SLIT2: variants seen among roughly 807,000 people sequenced by gnomAD.
SLIT2 encodes slit homolog 2 protein.
Under a neutral mutation model 185.7 loss-of-function variants are expected in SLIT2, and 41 were observed. The ratio of observed to expected loss-of-function variants is 0.22; its 90% CI spans 0.17 to 0.29. The LOEUF is 0.29. Among genes scored for constraint, SLIT2 ranks in the 10% least tolerant of loss-of-function variants. The pLI, the probability that SLIT2 is intolerant of heterozygous loss-of-function variation, is 1.00. For missense variants in SLIT2, 1,571 were observed against 1,909.0 expected (o/e 0.82, Z 3.30); for synonymous variants, 693 against 680.2 (o/e 1.02, Z -0.29).
intron 3 of SLIT2, among the ~76,000 whole-genome samples, chr4:20,259,495 A>C (rs534164644): frequency 6.6e-4 from 100 of 151,782 alleles, no homozygotes; most frequent in African/African-American, 2.3e-3. Context: ...CTTTTTATGC[A>C]GTCTCTATTT....
At chr4:20,587,606 C>G (rs977585953) in intron 29 of SLIT2, among the ~76,000 whole-genome samples, 1 of 152,090 alleles carries the variant, frequency 6.6e-6, no homozygotes, top group African/African-American at 2.4e-5. Context: ...GGAGTAATTC[C>G]TTTTAGACAA....
At chr4:20,572,255 T>A (rs1725669122) in intron 29 of SLIT2, among the ~76,000 whole-genome samples, 1 of 152,154 alleles carries the variant, frequency 6.6e-6, no homozygotes, top group African/African-American at 2.4e-5. Flanking sequence ...CATCTGTGCT[T>A]CCAGTTGTGT....
intron 26 of SLIT2, among the ~76,000 whole-genome samples, chr4:20,565,162 C>A (rs1724994009): frequency 6.6e-6 from 1 of 151,936 alleles, no homozygotes; most frequent in Non-Finnish European, 1.5e-5. Context: ...AACTGCCAAC[C>A]CCAAACTCCT....
chr4:20,546,094 A>G lies in SLIT2; in HGVS notation c.2340A>G (p.Thr780=), dbSNP rs762506741. The G allele has an allele frequency of 5.7e-5, 90 of 1,572,122 alleles. No homozygotes were observed. Among genetic ancestry groups the G allele is most frequent in the Non-Finnish European group, 7.2e-5 (83 of 1,148,356 alleles). The change falls in exon 22 of 37, where the codon ACA becomes ACG. Residue 780 remains threonine (T), a synonymous_variant. Coordinates refer to ENST00000504154, the MANE Select transcript of SLIT2 (RefSeq NM_004787.4). ...PKELSNYKHL[T]LIDLSNNRIS... ...AACTCTCCAACTACAAACATTTAAC[A>G]CTTATGTGAGTAACATATTGCACTT... is the stretch of plus-strand genomic sequence containing the variant.
At chr4:20,453,064 G>T (rs759922626) in intron 4 of SLIT2, among the ~76,000 whole-genome samples, 15 of 152,260 alleles carry the variant, frequency 9.9e-5, no homozygotes, top group Non-Finnish European at 1.9e-4. Flanking sequence ...CATAATCAAG[G>T]GTGGTTTGTG....
intron 4 of SLIT2, among the ~76,000 whole-genome samples, chr4:20,287,659 T>A (rs1278823612): frequency 6.6e-6 from 1 of 152,204 alleles, no homozygotes; most frequent in African/African-American, 2.4e-5. Flanking sequence ...CAGTTGTGCC[T>A]AGAAGCATCT....
intron 26 of SLIT2, among the ~76,000 whole-genome samples, chr4:20,560,086 A>G (rs1014704666): frequency 1.3e-5 from 2 of 152,050 alleles, no homozygotes. Flanking sequence ...TAAATGTTTT[A>G]TAATTGAGGT....
At chr4:20,408,956 C>T (rs1208219700) in intron 4 of SLIT2, among the ~76,000 whole-genome samples, 2 of 152,010 alleles carry the variant, frequency 1.3e-5, no homozygotes, top group African/African-American at 4.8e-5. Context: ...ACCCCCACCT[C>T]CCATATGCAC....
chr4:20,536,810 C>A (rs1174603216), intron 18 of SLIT2, among the ~76,000 whole-genome samples: 1 of 151,340 alleles, frequency 6.6e-6, no homozygotes, highest in Non-Finnish European at 1.5e-5. Context: ...TTCTATTATT[C>A]TTTTCTTTAT....
Position 20,346,933 on chromosome 4 carries a change from A to G in SLIT2, c.395+78052A>G, listed in dbSNP as rs558724238. Among the ~76,000 whole-genome samples, 31 of 152,228 alleles carry G rather than the reference A, an allele frequency of 2.0e-4. 1 individual carries two copies. Among genetic ancestry groups the G allele is most frequent in the African/African-American group, 7.0e-4 (29 of 41,532 alleles). Reference sequence around the variant, plus strand: ...GCTGGCCCCTGATTAGATGGTACCCACCCGGATTGAGGATGGGTCTGTCTC... The same window carrying G: ...GCTGGCCCCTGATTAGATGGTACCCGCCCGGATTGAGGATGGGTCTGTCTC... On this transcript the variant is annotated intron_variant, in intron 4 of 36. Coordinates refer to ENST00000504154, the MANE Select transcript of SLIT2 (RefSeq NM_004787.4).
intron 26 of SLIT2, among the ~76,000 whole-genome samples, chr4:20,560,235 A>G (rs187511458): frequency 1.6e-4 from 25 of 152,132 alleles, no homozygotes; most frequent in Admixed American, 1.4e-3. Context: ...AGGAAGACAA[A>G]TATTTTTAAT....
At chr4:20,592,687 C>T (rs1233594084) in intron 30 of SLIT2, among the ~76,000 whole-genome samples, 1 of 151,836 alleles carries the variant, frequency 6.6e-6, no homozygotes, top group African/African-American at 2.4e-5. Context: ...AGCATTTCTT[C>T]TTTTTTTTAA....
intron 4 of SLIT2, among the ~76,000 whole-genome samples, chr4:20,346,263 T>G (rs1210826031): frequency 6.6e-6 from 1 of 152,158 alleles, no homozygotes; most frequent in Non-Finnish European, 1.5e-5. Flanking sequence ...CCCAAAGTGT[T>G]GAGATTACAG....
In SLIT2 at chr4:20,617,582, G is replaced by T; in HGVS notation, c.4280G>T (p.Arg1427Met). Residue 1427 changes from arginine to methionine, a missense_variant, in exon 36 of 37, where the codon AGG becomes ATG. By Grantham distance (91) the Arg-to-Met change is moderately conservative. Around this residue, in one of 3 missense-constraint regions of SLIT2, gnomAD observed 223 missense variants for 245.2 expected, o/e 0.91. Coordinates refer to ENST00000504154, the MANE Select transcript of SLIT2 (RefSeq NM_004787.4). ...ATCAAGTGCAAGCATGGGAAGTGCA[G>T]GCTTTCAGGTCTGGGGCAGCCCTAC... ...QAIKCKHGKC[R>M]LSGLGQPYCE... is the part of the protein sequence containing the mutation. 1 of 1,613,754 alleles carries T rather than the reference G, an allele frequency of 6.2e-7. No individual in the cohort carries two copies. The highest frequency in any genetic ancestry group is 1.1e-5 in the South Asian group (1 of 91,002).
At chr4:20,288,688 C>T (rs1715515741) in intron 4 of SLIT2, among the ~76,000 whole-genome samples, 1 of 152,152 alleles carries the variant, frequency 6.6e-6, no homozygotes, top group African/African-American at 2.4e-5. Context: ...AATCTGGCTT[C>T]AATAATAAGG....
At chr4:20,576,313 C>A (rs1726080810) in intron 29 of SLIT2, among the ~76,000 whole-genome samples, 1 of 152,004 alleles carries the variant, frequency 6.6e-6, no homozygotes, top group Non-Finnish European at 1.5e-5. Flanking sequence ...TATTGTCTGT[C>A]TTTATTATTA....
chr4:20,327,889 A>G (rs1447437821), intron 4 of SLIT2, among the ~76,000 whole-genome samples: 1 of 151,994 alleles, frequency 6.6e-6, no homozygotes, highest in Admixed American at 6.6e-5. Flanking sequence ...TTGTTTGCAA[A>G]TTTGGACTTT....
chr4:20,268,886 G>T lies in SLIT2; in HGVS notation c.395+5G>T. ...GACTGCGAAGCTATACAGGCTGTAAGTAGACACAAATAGTTATTGTTGCTT... is the reference window on the plus strand; with the variant it reads ...GACTGCGAAGCTATACAGGCTGTAATTAGACACAAATAGTTATTGTTGCTT... On this transcript the variant is annotated splice_donor_5th_base_variant and intron_variant, in intron 4 of 36. Transcript: ENST00000504154. 1.3e-6 allele frequency: 2 copies of T among 1,556,312 alleles called. No homozygotes were observed. The highest frequency in any genetic ancestry group is 1.8e-6 in the Non-Finnish European group (2 of 1,127,834).
At chr4:20,398,100 A>G (rs77027518) in intron 4 of SLIT2, among the ~76,000 whole-genome samples, 8,663 of 151,896 alleles carry the variant, frequency 0.057, 461 homozygotes, top group East Asian at 0.18. Context: ...CTCAGGAAAG[A>G]AAGCTCTTAA....
Sources: allele counts gnomAD v4.1 joint callset (sites outside exome capture counted in the v4.1 genomes callset), GRCh38; gene constraint gnomAD v4.1.1; regional missense constraint gnomAD v4.1.1; transcripts MANE v1.5; gene names NCBI Gene and HGNC (gene_info 2026-07-23, HGNC 2026-07-21).